The following CNTNAP5 variants were observed in gnomAD, a reference collection of about 807,000 sequenced individuals.
The protein encoded by CNTNAP5 is contactin-associated protein-like 5.
Under a neutral mutation model 150.2 loss-of-function variants are expected in CNTNAP5, and 72 were observed. The observed-to-expected ratio is 0.48, with a 90% confidence interval of 0.40 to 0.58. The LOEUF (loss-of-function observed/expected upper bound fraction) is 0.58. Ranked by LOEUF, CNTNAP5 falls within the 20% of genes least tolerant of loss-of-function variation. The pLI, the probability that CNTNAP5 is intolerant of heterozygous loss-of-function variation, is 0.00. For synonymous variants in CNTNAP5, 672 were observed against 619.8 expected, an observed-to-expected ratio of 1.08 and a Z score of -1.25; for missense variants, 1,636 against 1,626.2, an observed-to-expected ratio of 1.01 and a Z score of -0.10.
chr2:124,374,716 G>A (rs956478806), intron 3 of CNTNAP5, among the ~76,000 whole-genome samples: 3 of 152,104 alleles, frequency 2.0e-5, no homozygotes, highest in African/African-American at 7.2e-5. Flanking sequence ...ACCACACCTA[G>A]TGGCAAAATC....
chr2:124,761,344 C>T (rs1680951442), intron 14 of CNTNAP5, among the ~76,000 whole-genome samples: 1 of 152,036 alleles, frequency 6.6e-6, no homozygotes, highest in Admixed American at 6.6e-5. Flanking sequence ...ACACAAATTC[C>T]CCTTGATGGT....
intron 3 of CNTNAP5, among the ~76,000 whole-genome samples, chr2:124,363,874 G>T (rs1010056229): frequency 6.6e-6 from 1 of 152,130 alleles, no homozygotes; most frequent in Non-Finnish European, 1.5e-5. Context: ...TCTTAATAAA[G>T]ATATATGCAT....
At chr2:124,110,421 G>C (rs1261966201) in intron 1 of CNTNAP5, among the ~76,000 whole-genome samples, 1 of 152,138 alleles carries the variant, frequency 6.6e-6, no homozygotes. Context: ...ATAAAAAAAG[G>C]CCGGTTTTTC....
At chr2:124,496,401 G>C (rs1504003) in intron 7 of CNTNAP5, among the ~76,000 whole-genome samples, 56,936 of 151,970 alleles carry the variant, frequency 0.37, 11,083 homozygotes, top group South Asian at 0.57. Context: ...TAGATTGGAT[G>C]AAGATCATTT....
At chr2:124,853,480 C>T (rs988055579) in intron 19 of CNTNAP5, among the ~76,000 whole-genome samples, 23 of 152,160 alleles carry the variant, frequency 1.5e-4, no homozygotes, top group Non-Finnish European at 2.9e-5. Flanking sequence ...TGCTAAGGTT[C>T]TCATCCGCTC....
chr2:124,910,711 A>T (rs1678637223), intron 22 of CNTNAP5, among the ~76,000 whole-genome samples: 1 of 152,040 alleles, frequency 6.6e-6, no homozygotes, highest in Non-Finnish European at 1.5e-5. Context: ...GGGGAACAAC[A>T]ATACTCATGT....
chr2:124,905,115 T>G (rs1367519824), intron 22 of CNTNAP5, among the ~76,000 whole-genome samples: 24 of 117,596 alleles, frequency 2.0e-4, no homozygotes, highest in Non-Finnish European at 4.1e-4. Flanking sequence ...AGTTTTTTTT[T>G]GTTTTTTTTT....
chr2:124,100,360 G>A (rs189070499), intron 1 of CNTNAP5, among the ~76,000 whole-genome samples: 10 of 152,154 alleles, frequency 6.6e-5, no homozygotes, highest in African/African-American at 1.9e-4. Flanking sequence ...GCATTTGGGC[G>A]AGGACAAATA....
At position 124,223,007 on chromosome 2, in the gene CNTNAP5, C is replaced by T. The variant is rs569105515; in HGVS notation, c.187+1198C>T. Among the ~76,000 whole-genome samples the T allele has an allele frequency of 4.6e-5, 7 of 152,174 alleles. No homozygotes were observed. In the South Asian group the frequency reaches 6.2e-4, roughly 14 times the overall value. On this transcript the variant is annotated intron_variant, in intron 2 of 23. Coordinates refer to ENST00000682447, the MANE Select transcript of CNTNAP5 (RefSeq NM_001367498.1). The stretch of plus-strand genomic sequence containing the variant: ...GGAAAATTTCAATTAAAATTTTGTA[C>T]TAATGTCCTTTGCTGAATATTCTGT...
intron 1 of CNTNAP5, among the ~76,000 whole-genome samples, chr2:124,032,976 C>T (rs180910376): frequency 2.0e-5 from 3 of 152,336 alleles, no homozygotes; most frequent in Admixed American, 2.0e-4. Context: ...TCCCAGTTCT[C>T]ATTCCCCCTC....
At chr2:124,221,552 G>A (rs1008924971) in intron 1 of CNTNAP5, among the ~76,000 whole-genome samples, 153 bp from the exon 2 acceptor site, 3 of 152,126 alleles carry the variant, frequency 2.0e-5, no homozygotes, top group Non-Finnish European at 4.4e-5. Flanking sequence ...GTGAGGAGTA[G>A]ATGCAGTAAC....
intron 6 of CNTNAP5, among the ~76,000 whole-genome samples, chr2:124,453,915 TA>T (rs550213356): frequency 5.4e-5 from 8 of 148,142 alleles, no homozygotes; most frequent in South Asian, 4.3e-4. Flanking sequence ...TGGAAACACA[TA>T]AAAAAAAAGA....
intron 13 of CNTNAP5, among the ~76,000 whole-genome samples, chr2:124,692,442 A>G (rs1679317892): frequency 6.6e-6 from 1 of 152,182 alleles, no homozygotes; most frequent in South Asian, 2.1e-4. Flanking sequence ...CTTTTACAGA[A>G]AAATGTATGG....
At chr2:124,359,550 A>T (rs1423512955) in intron 3 of CNTNAP5, among the ~76,000 whole-genome samples, 6 of 145,108 alleles carry the variant, frequency 4.1e-5, no homozygotes, top group African/African-American at 1.6e-4. Flanking sequence ...TTCTGCCTTC[A>T]TTTCGTTATG....
chr2:124,326,972 C>CTTTT (rs1192969997), intron 3 of CNTNAP5, among the ~76,000 whole-genome samples: 5 of 68,514 alleles, frequency 7.3e-5, no homozygotes, highest in Non-Finnish European at 8.8e-5. Context: ...TAGATCCTGA[C>CTTTT]TTTTTTTTTT....
chr2:124,881,991 A>T (rs903008538), intron 21 of CNTNAP5, among the ~76,000 whole-genome samples: 4 of 152,018 alleles, frequency 2.6e-5, no homozygotes, highest in Admixed American at 6.6e-5. Context: ...GTGACCAGTC[A>T]TGCTAGTCTA....
intron 19 of CNTNAP5, among the ~76,000 whole-genome samples, chr2:124,800,349 A>G (rs1681941443): frequency 6.6e-6 from 1 of 151,868 alleles, no homozygotes; most frequent in African/African-American, 2.4e-5. Flanking sequence ...TAATGAATAT[A>G]ATTGTATCAA....
intron 7 of CNTNAP5, among the ~76,000 whole-genome samples, chr2:124,493,453 G>C (rs1032037780): frequency 6.6e-6 from 1 of 151,968 alleles, no homozygotes; most frequent in Non-Finnish European, 1.5e-5. Context: ...CGATTCTCCT[G>C]CCTCAGCCTC....
intron 19 of CNTNAP5, among the ~76,000 whole-genome samples, chr2:124,812,625 G>A (rs1232839540): frequency 1.3e-5 from 2 of 152,066 alleles, no homozygotes; most frequent in Non-Finnish European, 2.9e-5. Context: ...TTTCCACAAC[G>A]TCTTATCATA....
Sources: allele counts gnomAD v4.1 joint callset (sites outside exome capture counted in the v4.1 genomes callset), GRCh38; gene constraint gnomAD v4.1.1; transcripts MANE v1.5; gene names NCBI Gene and HGNC (gene_info 2026-07-23, HGNC 2026-07-21).